The following SOX30 variants were observed in gnomAD, a reference collection of about 807,000 sequenced individuals.
The protein encoded by SOX30 is SRY-box transcription factor 30, also known as transcription factor SOX-30.
A neutral mutation model predicts 58.6 loss-of-function variants in SOX30; 17 were observed. The observed-to-expected ratio is 0.29, with a 90% CI of 0.20 to 0.44. The LOEUF is 0.44. Ranked by LOEUF, SOX30 falls within the 20% of genes least tolerant of loss-of-function variation. The pLI is 1.00. For missense variants in SOX30, 951 were observed against 965.8 expected (o/e 0.98, Z 0.20); for synonymous variants, 421 against 400.2 (o/e 1.05, Z -0.62).
At chr5:157,655,122 G>T (rs116708698), upstream of SOX30, among the ~76,000 whole-genome samples, 1 of 152,150 alleles carries the variant, frequency 6.6e-6, no homozygotes, top group East Asian at 1.9e-4. Context: ...GGATTATAGT[G>T]TGTAAGCCCC....
At position 157,671,319 on chromosome 5, in the gene SOX30, G is replaced by C. The variant is rs145132390; in HGVS notation, c.-4+11C>G. On this transcript the variant is annotated intron_variant, in intron 1 of 5. Transcript: ENST00000519442. ...CCCCACGTCGAAGCGGAAAAGGTCT[G>C]CTCAGCTCACCGCACCCCACTTCTT... The C allele has an allele frequency of 4.7e-3, 2,091 of 447,044 alleles. 16 individuals are homozygous for C. Among genetic ancestry groups the C allele is most frequent in the South Asian group, 9.7e-3 (274 of 28,348 alleles). The allele number at this position is 447,044 out of a possible 1,614,324, so 27.7% of individuals were successfully genotyped here. A position where few individuals can be genotyped will look rare whatever the true frequency, so the allele number is the denominator to read the frequency against.
rs1295867697 is a variant in SOX30 at position 157,652,128 on chromosome 5, C to T, written c.-50G>A. 8.0e-6 allele frequency: 11 copies of T among 1,381,684 alleles called. No individual in the cohort carries two copies. In the East Asian group the frequency reaches 2.9e-4, roughly 36 times the overall value. The allele number at this position is 1,381,684 out of a possible 1,614,324, so 85.6% of individuals were successfully genotyped here. On this transcript the variant is annotated 5_prime_UTR_variant, in exon 1 of 5. Coordinates refer to ENST00000265007, the MANE Select transcript of SOX30 (RefSeq NM_178424.2). The stretch of plus-strand genomic sequence containing the variant: ...GATTGTGAGCTCAGCCGTTTGTTGG[C>T]GACCTTCCCCCTCCCCCTTTCGGTT...
chr5:157,646,526 TAAC>T, intron 3 of SOX30, 108 bp downstream of exon 3: 2 of 798,014 alleles, frequency 2.5e-6, no homozygotes, highest in Non-Finnish European at 4.0e-6. Context: ...CTTTTTTTCT[TAAC>T]ATTGTTGTTC....
rs1758986469 is a variant in SOX30 at position 157,638,500 on chromosome 5, G to A, written c.1610C>T (p.Pro537Leu). The change falls in exon 4 of 5, where the codon CCT becomes CTT. Residue 537 changes from proline (P) to leucine (L), a missense_variant. Coordinates refer to ENST00000265007, the MANE Select transcript of SOX30 (RefSeq NM_178424.2). ...EATHTVKQPTPVSLESANRIS... is the reference protein window; with the variant it reads ...EATHTVKQPTLVSLESANRIS... ...CCTGTTGGCGCTCTCTAGAGAGACA[G>A]GAGTGGGTTGCTTCACAGTGTGAGT... 4 of 1,614,222 alleles carry A rather than the reference G, an allele frequency of 2.5e-6. No individual in the cohort carries two copies. The highest frequency in any genetic ancestry group is 1.6e-4 in the Middle Eastern group (1 of 6,062).
At chr5:157,627,741 T>A (rs1758692224) in intron 4 of SOX30, among the ~76,000 whole-genome samples, 1 of 152,166 alleles carries the variant, frequency 6.6e-6, no homozygotes, top group South Asian at 2.1e-4. Flanking sequence ...ACGCCTGTAA[T>A]CCCAGCACTC....
chr5:157,648,164 G>A (rs1406655290), intron 2 of SOX30, among the ~76,000 whole-genome samples: 3 of 152,070 alleles, frequency 2.0e-5, no homozygotes, highest in East Asian at 3.9e-4. Context: ...GGGAGAAATC[G>A]GACTCCTTTC....
chr5:157,637,957 G>A (rs151325839), intron 4 of SOX30, among the ~76,000 whole-genome samples: 3 of 152,104 alleles, frequency 2.0e-5, no homozygotes, highest in African/African-American at 7.2e-5. Context: ...GCCTCCCAAA[G>A]TGCTGGAATT....
At chr5:157,641,688 T>C (rs1759065871) in intron 3 of SOX30, among the ~76,000 whole-genome samples, 1 of 152,228 alleles carries the variant, frequency 6.6e-6, no homozygotes. Flanking sequence ...TTTATATCTA[T>C]ACTTGCTACG....
rs1758632260 is a variant in SOX30, at chr5:157,625,724, T to A, written c.*616A>T. ...TTTAATTACAACAAAGAACGATGTA[T>A]GCCAAATGGAAAAAAAATATTTTAA... On this transcript the variant is annotated 3_prime_UTR_variant, in exon 5 of 5. Coordinates refer to ENST00000265007, the MANE Select transcript of SOX30 (RefSeq NM_178424.2). The A allele has an allele frequency of 5.2e-5, 8 of 152,542 alleles. No individual in the cohort carries two copies. Among genetic ancestry groups the A allele is most frequent in the Admixed American group, 5.2e-4 (8 of 15,280 alleles). The allele number at this position is 152,542 out of a possible 1,614,324, so 9.4% of individuals were successfully genotyped here.
chr5:157,626,486 C>G lies in SOX30; in HGVS notation c.2116G>C (p.Glu706Gln). ...AGCTGAGGCACAGGGTTTAAGTTTT[C>G]TTCCCCACTGTGGCTATGACTGTTA... ...YYNSHSHSGE[E>Q]NLNPVPQLDI... is the part of the protein sequence containing the mutation. The change falls in exon 5 of 5, where the codon GAA (glutamate) becomes CAA (glutamine). Residue 706 changes from glutamate (E) to glutamine (Q), a missense_variant. Physicochemically the swap from Glu to Gln is conservative, Grantham distance 29. This residue lies in a region of SOX30 where 381 missense variants were observed against 390.0 expected (regional missense o/e 0.98). Transcript: ENST00000265007. 2 of 1,614,206 alleles carry G rather than the reference C, an allele frequency of 1.2e-6. No homozygotes were observed. The highest frequency in any genetic ancestry group is 1.7e-6 in the Non-Finnish European group (2 of 1,180,050).
At chr5:157,661,259 A>C (rs1205077732) in intron 2 of SOX30, among the ~76,000 whole-genome samples, 1 of 152,164 alleles carries the variant, frequency 6.6e-6, no homozygotes, top group African/African-American at 2.4e-5. Flanking sequence ...GCATGTTGTT[A>C]GTCATAGGTT....
rs572306798 is a variant in SOX30, at chr5:157,638,355, G to A, written c.1755C>T (p.Pro585=). 1.1e-5 allele frequency: 17 copies of A among 1,613,656 alleles called. No individual in the cohort carries two copies. In the South Asian group the frequency reaches 1.5e-4, roughly 15 times the overall value. ...PRSAPIPQAS[P]IPHPHVYQPP... Reference sequence around the variant, plus strand: ...GCTGGTAGACATGTGGGTGTGGAATGGGAGAAGCCTGGGGGATTGGAGCAC... The same window carrying A: ...GCTGGTAGACATGTGGGTGTGGAATAGGAGAAGCCTGGGGGATTGGAGCAC... Residue 585 remains proline, a synonymous_variant, in exon 4 of 5, where the codon CCC becomes CCT. Coordinates refer to ENST00000265007, the MANE Select transcript of SOX30 (RefSeq NM_178424.2).
intron 4 of SOX30, among the ~76,000 whole-genome samples, chr5:157,633,681 G>A (rs1758863130): frequency 6.6e-6 from 1 of 152,096 alleles, no homozygotes; most frequent in East Asian, 1.9e-4. Context: ...CCAAACAAAG[G>A]TTAAAGAGAA....
upstream of SOX30, among the ~76,000 whole-genome samples, chr5:157,655,750 T>G (rs936470743): frequency 2.0e-5 from 3 of 152,196 alleles, no homozygotes; most frequent in African/African-American, 7.2e-5. Flanking sequence ...CTGTCGTCTC[T>G]CTCTGTGCAA....
At chr5:157,659,650 C>T (rs757695570) in intron 2 of SOX30, among the ~76,000 whole-genome samples, 22 of 152,194 alleles carry the variant, frequency 1.4e-4, no homozygotes, top group Admixed American at 7.2e-4. Flanking sequence ...AGGACATCCC[C>T]GTGACACAGC....
intron 2 of SOX30, among the ~76,000 whole-genome samples, chr5:157,663,580 A>G (rs2113858982): frequency 6.6e-6 from 1 of 152,294 alleles, no homozygotes; most frequent in South Asian, 2.1e-4. Context: ...CCTATTCAAC[A>G]TAGTGTTGGA....
intron 3 of SOX30, among the ~76,000 whole-genome samples, chr5:157,644,818 TA>T (rs960321378): frequency 4.0e-5 from 6 of 151,854 alleles, no homozygotes; most frequent in African/African-American, 1.5e-4. Flanking sequence ...CCATCTCTAC[TA>T]AAAATACAAA....
rs1229025361 is a variant in SOX30 at position 157,651,399 on chromosome 5, C to T, written c.680G>A (p.Gly227Asp). 1.2e-6 allele frequency: 2 copies of T among 1,613,464 alleles called. No individual in the cohort carries two copies. Among genetic ancestry groups the T allele is most frequent in the Non-Finnish European group, 1.7e-6 (2 of 1,180,044 alleles). The change falls in exon 1 of 5, where the codon GGC (glycine) becomes GAC (aspartate). Residue 227 changes from glycine to aspartate, a missense_variant. Gly to Asp is a moderately conservative substitution (Grantham distance 94). Coordinates refer to ENST00000265007, the MANE Select transcript of SOX30 (RefSeq NM_178424.2). The part of the protein sequence containing the change: ...PERLLEDCRL[G>D]AEPASNGLVH... ...CAGGCCATTGGACGCGGGCTCCGCG[C>T]CGAGCCTGCAGTCCTCGAGGAGTCT... is the stretch of plus-strand genomic sequence containing the variant.
chr5:157,652,281 C>T lies in SOX30; in HGVS notation c.-203G>A, dbSNP rs541002998. 3 of 1,250,624 alleles carry T rather than the reference C, an allele frequency of 2.4e-6. No homozygotes were observed. The highest frequency in any genetic ancestry group is 1.6e-5 in the African/African-American group (1 of 64,456). The allele number at this position is 1,250,624 out of a possible 1,614,324, so 77.5% of individuals were successfully genotyped here. ...CCAATCACAGGCGGGTTTTCCGGCT[C>T]TTCCTGGTCCCTACTCTCGCCTCGT... On this transcript the variant is annotated 5_prime_UTR_variant, in exon 1 of 5. Coordinates refer to ENST00000265007, the MANE Select transcript of SOX30 (RefSeq NM_178424.2).
Sources: gnomAD v4.1 joint callset for allele counts (sites outside exome capture counted in the v4.1 genomes callset) on GRCh38, gnomAD v4.1.1 for gene constraint, gnomAD v4.1.1 regional missense constraint, MANE v1.5 for transcripts, NCBI Gene and HGNC (gene_info 2026-07-23, HGNC 2026-07-21) for gene names.